HTR2C: variants seen among roughly 807,000 people sequenced by gnomAD.
The protein encoded by HTR2C is 5-hydroxytryptamine (serotonin) receptor 2C, G protein-coupled.
A neutral mutation model predicts 21.0 loss-of-function variants in HTR2C; 5 were observed. The observed-to-expected ratio is 0.24, with a 90% CI of 0.12 to 0.50. The LOEUF is 0.50. Among genes scored for constraint, HTR2C ranks in the 20% least tolerant of loss-of-function variants. The probability of loss-of-function intolerance (pLI) is 0.98; values close to 1 mark genes in which losing one functional copy is unlikely to be tolerated. For missense variants in HTR2C, 271 were observed against 371.2 expected (o/e 0.73, Z 2.22); for synonymous variants, 150 against 145.3 (o/e 1.03, Z -0.23).
At chrX:114,826,370 T>C (rs1396118745) in intron 4 of HTR2C, among the ~76,000 whole-genome samples, 2 of 111,840 alleles carry the variant, frequency 1.8e-5, no homozygotes, top group Non-Finnish European at 3.8e-5. Flanking sequence ...CCAGCCAAAA[T>C]ACAAAGCTTT....
At chrX:114,703,461 C>T (rs1556417337) in intron 2 of HTR2C, among the ~76,000 whole-genome samples, 2 of 111,031 alleles carry the variant, frequency 1.8e-5, no homozygotes, top group African/African-American at 6.6e-5. Context: ...TGAATGACTA[C>T]TGGGTACATA....
chrX:114,761,956 T>TACAC (rs2069878126), intron 4 of HTR2C, among the ~76,000 whole-genome samples: 3 of 109,420 alleles, frequency 2.7e-5, no homozygotes, highest in African/African-American at 1.0e-4. Context: ...TACGTGTATA[T>TACAC]ATACATATAT....
At chrX:114,900,662 C>T (rs1195311469) in intron 5 of HTR2C, 2 of 111,582 alleles carry the variant, frequency 1.8e-5, no homozygotes, top group African/African-American at 6.5e-5. Flanking sequence ...AAACAGATAA[C>T]CCTGCAGGTT....
chrX:114,637,545 A>G (rs782332383), intron 2 of HTR2C, among the ~76,000 whole-genome samples: 30 of 111,979 alleles, frequency 2.7e-4, no homozygotes, highest in Non-Finnish European at 5.1e-4. Flanking sequence ...AATGAGCTCA[A>G]TTATTTCAGG....
At chrX:114,902,953 G>A (rs2071347342) in intron 5 of HTR2C, among the ~76,000 whole-genome samples, 1 of 111,888 alleles carries the variant, frequency 8.9e-6, no homozygotes. Context: ...TTGACAGAAA[G>A]AAAGCTAGAT....
intron 3 of HTR2C, among the ~76,000 whole-genome samples, chrX:114,730,096 A>G (rs1187755540): frequency 1.8e-5 from 2 of 112,168 alleles, no homozygotes; most frequent in Non-Finnish European, 3.8e-5. Flanking sequence ...GGAAATATTG[A>G]ACATGCTTGG....
chrX:114,870,371 C>T (rs1344365721), intron 5 of HTR2C, among the ~76,000 whole-genome samples: 4 of 110,874 alleles, frequency 3.6e-5, no homozygotes, highest in Admixed American at 9.7e-5. Context: ...TGTGAGCCAC[C>T]GCGCCCAGCC....
At chrX:114,798,041 T>C (rs1207570101) in intron 4 of HTR2C, among the ~76,000 whole-genome samples, 1 of 89,058 alleles carries the variant, frequency 1.1e-5, no homozygotes, top group Non-Finnish European at 2.3e-5. Flanking sequence ...TGCTGTAGAT[T>C]AGTAGTATTA....
rs2070301055 is a variant in HTR2C, at chrX:114,797,111, T to A, written c.350-50892T>A. 3.6e-5 allele frequency among the ~76,000 whole-genome samples: 4 copies of A among 111,730 alleles called. No individual in the cohort carries two copies. The South Asian group carries it at 1.5e-3, about 41-fold the overall frequency. ...TGGAAAAAGGTTGTGATGCAGTAAT[T>A]TGTCTTGAAAGAAGACATTCTTATT... On this transcript the variant is annotated intron_variant, in intron 4 of 5. Transcript: ENST00000276198.
intron 2 of HTR2C, among the ~76,000 whole-genome samples, chrX:114,682,014 T>C (rs1931762788): frequency 9.0e-6 from 1 of 111,453 alleles, no homozygotes; most frequent in South Asian, 3.8e-4. Flanking sequence ...AGGATATTTT[T>C]CATCTTGAGT....
intron 4 of HTR2C, chrX:114,775,717 A>G: frequency 1.6e-6 from 1 of 609,073 alleles, no homozygotes; most frequent in Non-Finnish European, 2.6e-6. Context: ...GTTCTTTTCT[A>G]TTGAAGATGT....
chrX:114,837,615 C>G (rs2070798600), intron 4 of HTR2C, among the ~76,000 whole-genome samples: 1 of 110,002 alleles, frequency 9.1e-6, no homozygotes, highest in Non-Finnish European at 1.9e-5. Context: ...TTATATTTAT[C>G]TTGTATCCAG....
intron 4 of HTR2C, among the ~76,000 whole-genome samples, chrX:114,818,076 G>T (rs1021630833): frequency 9.0e-6 from 1 of 111,720 alleles, no homozygotes; most frequent in Non-Finnish European, 1.9e-5. Flanking sequence ...TATTAATAGA[G>T]TGAAAAACAT....
chrX:114,614,214 C>T (rs1416184878), intron 2 of HTR2C, among the ~76,000 whole-genome samples: 1 of 109,981 alleles, frequency 9.1e-6, no homozygotes, highest in Non-Finnish European at 1.9e-5. Context: ...TAGCGAAGTT[C>T]AATTTTCTTC....
At chrX:114,627,138 T>G (rs782623884) in intron 2 of HTR2C, among the ~76,000 whole-genome samples, 390 of 111,927 alleles carry the variant, frequency 3.5e-3, no homozygotes, top group African/African-American at 0.012. Context: ...GCAAAACACT[T>G]CAATTAACAT....
In HTR2C at chrX:114,850,534, G is replaced by A. The variant is rs782448699; in HGVS notation, c.550+2331G>A. Among the ~76,000 whole-genome samples, 3 of 111,612 alleles carry A rather than the reference G, an allele frequency of 2.7e-5. No homozygotes were observed. In the East Asian group the frequency reaches 8.5e-4, roughly 31 times the overall value. On this transcript the variant is annotated intron_variant, in intron 5 of 5. Transcript: ENST00000276198. The stretch of plus-strand genomic sequence containing the variant: ...TATTAAAAATTAGCTGGGTATGGTG[G>A]CATGTGCCTGTAGCCCTAGCTACTC...
At chrX:114,725,632 C>T (rs142220555) in intron 2 of HTR2C, among the ~76,000 whole-genome samples, 1 of 111,143 alleles carries the variant, frequency 9.0e-6, no homozygotes, top group Admixed American at 9.5e-5. Context: ...CTGTTTTTTC[C>T]CATCTTTGTG....
chrX:114,750,047 C>T (rs2069746905), intron 4 of HTR2C, among the ~76,000 whole-genome samples: 1 of 111,493 alleles, frequency 9.0e-6, no homozygotes, highest in African/African-American at 3.3e-5. Context: ...CACCCATTTT[C>T]CTTGTGGCCG....
At chrX:114,852,763 TTGTG>T (rs58478809) in intron 5 of HTR2C, among the ~76,000 whole-genome samples, 1,169 of 102,769 alleles carry the variant, frequency 0.011, 6 homozygotes, top group South Asian at 0.021. Context: ...CTAAGAATAA[TTGTG>T]TGTGTGTGTG....
Sources: gnomAD v4.1 joint callset for allele counts (sites outside exome capture counted in the v4.1 genomes callset) on GRCh38, gnomAD v4.1.1 for gene constraint, MANE v1.5 for transcripts, NCBI Gene and HGNC (gene_info 2026-07-23, HGNC 2026-07-21) for gene names.